PCDHA5: variants seen among roughly 807,000 people sequenced by gnomAD.
PCDHA5 encodes the protein protocadherin alpha 5.
A neutral mutation model predicts 61.6 loss-of-function variants in PCDHA5; 43 were observed. The observed-to-expected ratio is 0.70, with a 90% CI of 0.55 to 0.90. The LOEUF (loss-of-function observed/expected upper bound fraction) is 0.90, where lower values mean the gene tolerates loss of function less well. Among genes scored for constraint, PCDHA5 ranks in the 40% least tolerant of loss-of-function variants. The pLI, the probability that PCDHA5 is intolerant of heterozygous loss-of-function variation, is 0.00. For missense variants in PCDHA5, 1,298 were observed against 1,222.7 expected (o/e 1.06, Z -0.92); for synonymous variants, 627 against 543.9 (o/e 1.15, Z -2.13).
intron 1 of PCDHA5, chr5:140,842,137 A>C (rs2150330187): frequency 1.2e-6 from 2 of 1,613,874 alleles, no homozygotes; most frequent in South Asian, 2.2e-5. Flanking sequence ...CGGATGAAGG[A>C]GCCAATGGGG....
At chr5:140,940,934 G>A (rs155815) in intron 1 of PCDHA5, among the ~76,000 whole-genome samples, 48,303 of 152,082 alleles carry the variant, frequency 0.32, 8,018 homozygotes, top group East Asian at 0.53. Flanking sequence ...TGGCTACTTA[G>A]ACTACGTATT....
At chr5:140,855,950 C>T in intron 1 of PCDHA5, 1 of 1,363,920 alleles carries the variant, frequency 7.3e-7, no homozygotes, top group Non-Finnish European at 1.0e-6. Flanking sequence ...TCAGCCATTT[C>T]GATAAAAAAT....
At chr5:140,871,224 C>G (rs1554165289) in intron 1 of PCDHA5, 3 of 1,613,902 alleles carry the variant, frequency 1.9e-6, no homozygotes. Context: ...GCGTGGTGTC[C>G]AGCCTCCTGG....
At chr5:140,856,951 A>G in intron 1 of PCDHA5, 2 of 1,593,156 alleles carry the variant, frequency 1.3e-6, no homozygotes, top group Non-Finnish European at 1.7e-6. Context: ...CGGGAGAAAT[A>G]AAAGTAAATG....
intron 1 of PCDHA5, chr5:140,834,534 G>T (rs1554134303): frequency 5.6e-6 from 9 of 1,614,094 alleles, no homozygotes; most frequent in South Asian, 1.1e-5. Flanking sequence ...CATCGCGCAG[G>T]ACCTGGGGCT....
intron 1 of PCDHA5, chr5:140,851,015 G>T: frequency 7.0e-7 from 1 of 1,432,294 alleles, no homozygotes. Flanking sequence ...TTTTTTTTCT[G>T]ATAAAGTAAA....
rs575381539 is a variant in PCDHA5, at chr5:140,952,919, T to TGAGCAG, written c.2353-26018_2353-26013dup. On this transcript the variant is annotated intron_variant, in intron 1 of 3. Coordinates refer to ENST00000529859, the MANE Select transcript of PCDHA5 (RefSeq NM_018908.3). ...GGAATCAAGCTCATCTTACATGGCA[T>TGAGCAG]GAGCAGGAGCAGGAGCAAGAGAGAG... 2.3e-3 allele frequency among the ~76,000 whole-genome samples: 343 copies of TGAGCAG among 152,172 alleles called. 1 individual carries two copies. Among genetic ancestry groups the TGAGCAG allele is most frequent in the African/African-American group, 7.9e-3 (326 of 41,516 alleles).
rs529065220 is a variant in PCDHA5, at chr5:140,930,291, C to T, written c.2353-48658C>T. On this transcript the variant is annotated intron_variant, in intron 1 of 3. Transcript: ENST00000529859. ...TATTTTAGGGGACAAATACACTTAA[C>T]AAATAAGTAAATATCATATTTGAGA... The T allele has an allele frequency of 2.6e-5, 4 of 152,208 alleles. No homozygotes were observed. The South Asian group carries it at 8.3e-4, about 32-fold the overall frequency. 9.4% of individuals were successfully genotyped at this position (152,208 alleles called of 1,614,324 possible). A position where few individuals can be genotyped will look rare whatever the true frequency, so the allele number is the denominator to read the frequency against.
chr5:140,848,535 C>G (rs2150412209), intron 1 of PCDHA5: 2 of 1,595,366 alleles, frequency 1.3e-6, no homozygotes, highest in South Asian at 2.2e-5. Context: ...GGGTCAGCCT[C>G]TACTGCTCTC....
At chr5:140,850,186 C>A (rs2150472009) in intron 1 of PCDHA5, 4 of 1,593,728 alleles carry the variant, frequency 2.5e-6, no homozygotes, top group East Asian at 4.5e-5. Flanking sequence ...AATGCGCCGG[C>A]GCTGCTGACA....
intron 1 of PCDHA5, chr5:140,857,495 G>T: frequency 6.3e-7 from 1 of 1,598,344 alleles, no homozygotes; most frequent in Non-Finnish European, 8.6e-7. Context: ...GGACGCGGAC[G>T]CGCAGGAGAA....
Position 140,881,379 on chromosome 5 carries a change from C to T in PCDHA5, c.2352+57252C>T, listed in dbSNP as rs1235654163. ...TGGCTTTCGTATGAATTGCAGCCGG[C>T]GGCGGTAAGTTAAATTCTATTAAAT... On this transcript the variant is annotated intron_variant, in intron 1 of 3. Transcript: ENST00000529859. The T allele has an allele frequency of 7.1e-6, 7 of 984,332 alleles. No individual in the cohort carries two copies. In the African/African-American group the frequency reaches 1.0e-4, roughly 15 times the overall value. 61.0% of individuals were successfully genotyped at this position (984,332 alleles called of 1,614,324 possible).
At chr5:140,832,358 T>A (rs1293168381) in intron 1 of PCDHA5, among the ~76,000 whole-genome samples, 1 of 152,224 alleles carries the variant, frequency 6.6e-6, no homozygotes, top group African/African-American at 2.4e-5. Context: ...TTTCCTAATG[T>A]GAGCATTTTC....
intron 1 of PCDHA5, chr5:140,831,144 A>G (rs1281536206): frequency 6.6e-6 from 1 of 152,224 alleles, no homozygotes; most frequent in Non-Finnish European, 1.5e-5. Context: ...TGATTTATTT[A>G]CTACCGATCT....
intron 1 of PCDHA5, among the ~76,000 whole-genome samples, chr5:140,978,595 G>A (rs2096811492): frequency 6.6e-6 from 1 of 152,214 alleles, no homozygotes; most frequent in African/African-American, 2.4e-5. Flanking sequence ...CCTTAATGGG[G>A]CACTTGAGGG....
chr5:140,990,825 AAGCCTATTAGCAAAAATAG>A (rs2097418390), intron 3 of PCDHA5, among the ~76,000 whole-genome samples: 1 of 152,202 alleles, frequency 6.6e-6, no homozygotes, highest in Non-Finnish European at 1.5e-5. Flanking sequence ...CTCTCAGCTA[AAGCCTATTAGCAAAAATAG>A]AGCCCTGAGG....
chr5:140,869,005 G>C, intron 1 of PCDHA5: 1 of 1,521,546 alleles, frequency 6.6e-7, no homozygotes, highest in Non-Finnish European at 8.8e-7. Context: ...AGGATCCTTT[G>C]AAACTTCTTA....
intron 1 of PCDHA5, chr5:140,856,277 A>T: frequency 1.9e-6 from 3 of 1,598,280 alleles, no homozygotes; most frequent in Non-Finnish European, 2.6e-6. Flanking sequence ...TCTGGAGGTA[A>T]ATCTGCAGAA....
chr5:140,958,137 A>G (rs1237826000), intron 1 of PCDHA5, among the ~76,000 whole-genome samples: 2 of 152,112 alleles, frequency 1.3e-5, no homozygotes, highest in Admixed American at 6.6e-5. Flanking sequence ...ATCAGTGTGT[A>G]TATTTATATA....
Sources: gnomAD v4.1 joint callset for allele counts (sites outside exome capture counted in the v4.1 genomes callset) on GRCh38, gnomAD v4.1.1 for gene constraint, MANE v1.5 for transcripts, NCBI Gene and HGNC (gene_info 2026-07-23, HGNC 2026-07-21) for gene names.